The following WDR44 variants were observed in gnomAD, a reference collection of about 807,000 sequenced individuals.
The protein encoded by WDR44 is WD repeat domain 44, also known as WD repeat-containing protein 44.
In WDR44, 9 loss-of-function variants were observed where a neutral mutation model predicts 65.7. The observed-to-expected ratio is 0.14, with a 90% confidence interval of 0.08 to 0.24. WDR44 has a LOEUF of 0.24. Ranked by LOEUF, WDR44 falls within the 10% of genes least tolerant of loss-of-function variation. WDR44 has a pLI of 1.00. For missense variants in WDR44, 425 were observed against 670.9 expected (o/e 0.63, Z 4.05); for synonymous variants, 220 against 235.2 (o/e 0.94, Z 0.59).
chrX:118,429,700 T>TTTTG (rs776924751), intron 12 of WDR44, among the ~76,000 whole-genome samples: 2 of 111,958 alleles, frequency 1.8e-5, no homozygotes, highest in African/African-American at 3.2e-5. Flanking sequence ...TGTTTTTGTT[T>TTTTG]TTTGTTTGTT....
intron 10 of WDR44, 94 bp from the exon 11 acceptor site, chrX:118,409,395 G>A (rs1462677133): frequency 3.1e-6 from 3 of 982,323 alleles, no homozygotes; most frequent in Non-Finnish European, 4.2e-6. Flanking sequence ...CTCCCAAAGT[G>A]CTGAGATTAC....
At chrX:118,373,738 C>T (rs2056633772) in intron 1 of WDR44, among the ~76,000 whole-genome samples, 1 of 111,072 alleles carries the variant, frequency 9.0e-6, no homozygotes, top group Admixed American at 9.6e-5. Context: ...GGGTCAAATT[C>T]TGGCCCTACT....
intron 14 of WDR44, among the ~76,000 whole-genome samples, chrX:118,439,622 G>A (rs2041378195): frequency 9.0e-6 from 1 of 111,161 alleles, no homozygotes; most frequent in African/African-American, 3.3e-5. Context: ...ATAGATGTAT[G>A]TATGTGACAA....
At chrX:118,347,424 A>G (rs1384798611) in intron 1 of WDR44, among the ~76,000 whole-genome samples, 1 of 111,898 alleles carries the variant, frequency 8.9e-6, no homozygotes, top group African/African-American at 3.3e-5. Flanking sequence ...CTTGACTAGG[A>G]CTTGTATTTA....
At chrX:118,381,576 CT>C (rs371445545) in intron 2 of WDR44, among the ~76,000 whole-genome samples, 24,904 of 86,724 alleles carry the variant, frequency 0.29, 3,764 homozygotes, top group East Asian at 0.49. Flanking sequence ...GTTCTTTCTT[CT>C]TTTTTTTTTT....
At chrX:118,438,868 A>T (rs1278980118) in intron 14 of WDR44, among the ~76,000 whole-genome samples, 1 of 96,306 alleles carries the variant, frequency 1.0e-5, no homozygotes, top group African/African-American at 4.0e-5. Flanking sequence ...GGCTCACTGC[A>T]ACCTCCACCT....
At chrX:118,384,218 A>G (rs945203409) in intron 2 of WDR44, among the ~76,000 whole-genome samples, 1 of 111,391 alleles carries the variant, frequency 9.0e-6, no homozygotes, top group Non-Finnish European at 1.9e-5. Context: ...GCATCATTCA[A>G]CATTCATTCA....
intron 12 of WDR44, among the ~76,000 whole-genome samples, chrX:118,417,644 G>T (rs1390476996): frequency 1.8e-5 from 2 of 111,740 alleles, no homozygotes; most frequent in Non-Finnish European, 3.8e-5. Flanking sequence ...TTTAGATAAC[G>T]TGATGACAGT....
chrX:118,392,807 C>T lies in WDR44; in HGVS notation c.362C>T (p.Ser121Phe). The T allele has an allele frequency of 1.7e-6, 2 of 1,211,560 alleles. No individual in the cohort carries two copies. The highest frequency in any genetic ancestry group is 2.2e-6 in the Non-Finnish European group (2 of 895,444). The stretch of plus-strand genomic sequence containing the variant: ...ATAGATCAAGTACTACCGGAAGAAT[C>T]CCAAAAGGCAGAGAGTCAGAATACA... ...LAIDQVLPEESQKAESQNTFE... is the reference protein window; with the variant it reads ...LAIDQVLPEEFQKAESQNTFE... Residue 121 changes from serine to phenylalanine, a missense_variant, in exon 4 of 20, where the codon TCC becomes TTC. Physicochemically the swap from Ser to Phe is radical, Grantham distance 155. Coordinates refer to ENST00000254029, the MANE Select transcript of WDR44 (RefSeq NM_019045.5).
At chrX:118,378,272 TCCACA>T in intron 1 of WDR44, 142 bp from the exon 2 acceptor site, 1 of 475,781 alleles carries the variant, frequency 2.1e-6, no homozygotes, top group African/African-American at 2.4e-5. Context: ...CTTTTTGTTT[TCCACA>T]TTTTCTACGT....
intron 1 of WDR44, among the ~76,000 whole-genome samples, chrX:118,356,846 CTTTT>C (rs774889869): frequency 2.2e-5 from 2 of 90,095 alleles, no homozygotes; most frequent in African/African-American, 4.0e-5. Context: ...ATATTTCTTT[CTTTT>C]TTTTTTTTTT....
chrX:118,433,039 C>T (rs1439501280), intron 13 of WDR44, 145 bp downstream of exon 13: 1 of 448,924 alleles, frequency 2.2e-6, no homozygotes. Context: ...CCCACATAGT[C>T]AAGGGTGATC....
In WDR44 at chrX:118,420,984, C is replaced by G. The variant is rs548216005; in HGVS notation, c.1737+10025C>G. ...CCTTGGAATCTAATTCCATTCCTGACTGTAGCAGGCCCATAATCATGTTGA... is the reference window on the plus strand; with the variant it reads ...CCTTGGAATCTAATTCCATTCCTGAGTGTAGCAGGCCCATAATCATGTTGA... On this transcript the variant is annotated intron_variant, in intron 12 of 19. Coordinates refer to ENST00000254029, the MANE Select transcript of WDR44 (RefSeq NM_019045.5). 2.1e-4 allele frequency among the ~76,000 whole-genome samples: 24 copies of G among 111,803 alleles called. No individual in the cohort carries two copies. In the South Asian group the frequency reaches 9.0e-3, roughly 42 times the overall value.
intron 1 of WDR44, among the ~76,000 whole-genome samples, chrX:118,369,886 C>A (rs768674991): frequency 1.0e-5 from 1 of 98,956 alleles, no homozygotes; most frequent in South Asian, 4.0e-4. Flanking sequence ...GTGGAAGACA[C>A]ACTAAATAAT....
chrX:118,442,198 C>A (rs755021825), intron 15 of WDR44, 46 bp from the exon 16 acceptor site: 2 of 1,088,036 alleles, frequency 1.8e-6, no homozygotes, highest in African/African-American at 3.6e-5. Context: ...CGAGCCACCA[C>A]ACATGCTCCT....
intron 15 of WDR44, 40 bp downstream of exon 15, chrX:118,441,599 T>A: frequency 9.1e-7 from 1 of 1,100,954 alleles, no homozygotes; most frequent in African/African-American, 1.8e-5. Flanking sequence ...ATTGTATACT[T>A]AGTAAACACT....
At chrX:118,364,831 G>A (rs1212784889) in intron 1 of WDR44, among the ~76,000 whole-genome samples, 2 of 112,303 alleles carry the variant, frequency 1.8e-5, no homozygotes, top group African/African-American at 6.5e-5. Context: ...AACTCAGGTT[G>A]TTACTGAGAT....
chrX:118,419,224 A>G (rs1285514257), intron 12 of WDR44, among the ~76,000 whole-genome samples: 1 of 111,153 alleles, frequency 9.0e-6, no homozygotes, highest in African/African-American at 3.3e-5. Context: ...AATTGTTACA[A>G]AGTTCAGCTG....
chrX:118,435,075 C>A (rs1033529217), intron 13 of WDR44, among the ~76,000 whole-genome samples: 1 of 111,008 alleles, frequency 9.0e-6, no homozygotes, highest in Non-Finnish European at 1.9e-5. Flanking sequence ...TATTTAATTT[C>A]GTTTATTTAA....
Sources: allele counts gnomAD v4.1 joint callset (sites outside exome capture counted in the v4.1 genomes callset), GRCh38; gene constraint gnomAD v4.1.1; transcripts MANE v1.5; gene names NCBI Gene and HGNC (gene_info 2026-07-23, HGNC 2026-07-21).